CHST9: variants seen among roughly 807,000 people sequenced by gnomAD.
CHST9 encodes GalNAc-4-sulfotransferase 2.
In CHST9, 41 loss-of-function variants were observed where a neutral mutation model predicts 44.4. The observed-to-expected ratio is 0.92, with a 90% CI of 0.72 to 1.20. CHST9 has a LOEUF of 1.20. CHST9 is among the 50% of genes most tolerant of loss of function. The probability of loss-of-function intolerance (pLI) is 0.00; values close to 1 mark genes in which losing one functional copy is unlikely to be tolerated. For synonymous variants in CHST9, 171 were observed against 178.4 expected (o/e 0.96, Z 0.33); for missense variants, 504 against 516.5 (o/e 0.98, Z 0.23).
At chr18:26,983,059 C>T (rs562315194) in intron 4 of CHST9, among the ~76,000 whole-genome samples, 24 of 152,146 alleles carry the variant, frequency 1.6e-4, no homozygotes, top group South Asian at 4.2e-4. Context: ...AAATATTAGC[C>T]GGGCTAAGAA....
At chr18:27,129,694 G>A (rs2058455784) in intron 2 of CHST9, among the ~76,000 whole-genome samples, 1 of 151,998 alleles carries the variant, frequency 6.6e-6, no homozygotes, top group South Asian at 2.1e-4. Context: ...CATGACCCTT[G>A]GTTTATTCTT....
At chr18:27,122,150 C>A (rs1324163925) in intron 2 of CHST9, among the ~76,000 whole-genome samples, 1 of 152,090 alleles carries the variant, frequency 6.6e-6, no homozygotes, top group Non-Finnish European at 1.5e-5. Flanking sequence ...AACAAACGCA[C>A]CAGTGTATTT....
chr18:26,998,528 G>A (rs1339068848), intron 4 of CHST9, among the ~76,000 whole-genome samples: 1 of 151,930 alleles, frequency 6.6e-6, no homozygotes, highest in East Asian at 1.9e-4. Context: ...GAGTTCGAGA[G>A]CAGCCTGGCC....
chr18:26,941,017 T>A (rs1044463017), intron 5 of CHST9, among the ~76,000 whole-genome samples: 1 of 152,138 alleles, frequency 6.6e-6, no homozygotes, highest in Non-Finnish European at 1.5e-5. Context: ...CAAGGAAGGA[T>A]CCTTCCCTAC....
Position 26,913,772 on chromosome 18 carries a change from G to T in CHST9, c.*2487C>A, listed in dbSNP as rs1461075296. 6.6e-6 allele frequency: 1 copy of T among 152,222 alleles called. No individual in the cohort carries two copies. Among genetic ancestry groups the T allele is most frequent in the Non-Finnish European group, 1.5e-5 (1 of 68,048 alleles). 9.4% of individuals were successfully genotyped at this position (152,222 alleles called of 1,614,324 possible). On this transcript the variant is annotated 3_prime_UTR_variant, in exon 6 of 6. Transcript: ENST00000618847. ...TCCCACCTGGATTTATGCACAGGCA[G>T]AAATGACAAAGGTGAATGTGAGCTG... is the stretch of plus-strand genomic sequence containing the variant.
chr18:27,126,831 G>A (rs1042272326), intron 2 of CHST9, among the ~76,000 whole-genome samples: 11 of 152,124 alleles, frequency 7.2e-5, no homozygotes, highest in Non-Finnish European at 2.9e-5. Flanking sequence ...GCTGCTTTAG[G>A]GGCTGCTGCA....
intron 5 of CHST9, among the ~76,000 whole-genome samples, chr18:26,921,516 A>T (rs771222662): frequency 3.9e-4 from 59 of 152,264 alleles, no homozygotes; most frequent in Middle Eastern, 3.4e-3. Flanking sequence ...CATCCACCTT[A>T]TAAAAGCTGT....
At chr18:26,939,477 A>G (rs535362665) in intron 5 of CHST9, among the ~76,000 whole-genome samples, 1 of 152,370 alleles carries the variant, frequency 6.6e-6, no homozygotes, top group South Asian at 2.1e-4. Context: ...TTCCATCAGA[A>G]TCACATATTG....
intron 4 of CHST9, among the ~76,000 whole-genome samples, chr18:26,973,903 C>A (rs187471147): frequency 4.5e-4 from 69 of 152,300 alleles, no homozygotes; most frequent in African/African-American, 1.3e-3. Context: ...TTCAGACTCT[C>A]ATGCTGAGCT....
chr18:27,067,230 CT>C (rs138931040), intron 2 of CHST9, among the ~76,000 whole-genome samples: 62 of 148,902 alleles, frequency 4.2e-4, no homozygotes, highest in Admixed American at 3.0e-3. Flanking sequence ...CCATAACCGA[CT>C]TTTTTTTTTG....
intron 1 of CHST9, among the ~76,000 whole-genome samples, chr18:27,158,955 TG>T (rs550353068): frequency 2.8e-4 from 42 of 152,372 alleles, no homozygotes; most frequent in Non-Finnish European, 4.6e-4. Flanking sequence ...TTGATGGGGC[TG>T]TTTGTTTTTT....
chr18:27,132,037 G>A (rs998431963), intron 2 of CHST9, among the ~76,000 whole-genome samples: 6 of 152,102 alleles, frequency 3.9e-5, no homozygotes, highest in Middle Eastern at 3.4e-3. Flanking sequence ...AAACCAAACC[G>A]TCATCCAACT....
chr18:26,975,651 A>G (rs1391436991), intron 4 of CHST9, among the ~76,000 whole-genome samples: 15 of 141,920 alleles, frequency 1.1e-4, no homozygotes, highest in African/African-American at 2.8e-4. Context: ...GTATGTGTGT[A>G]TATATATATA....
At chr18:27,139,433 TAA>T (rs1486134586) in intron 2 of CHST9, among the ~76,000 whole-genome samples, 1 of 151,926 alleles carries the variant, frequency 6.6e-6, no homozygotes, top group Non-Finnish European at 1.5e-5. Context: ...TTTATTTATT[TAA>T]AAAGAGATTG....
At chr18:27,150,924 G>C (rs1598760188) in intron 1 of CHST9, among the ~76,000 whole-genome samples, 1 of 152,200 alleles carries the variant, frequency 6.6e-6, no homozygotes, top group East Asian at 1.9e-4. Context: ...TGATAGGCTT[G>C]GTAGGCACAT....
intron 1 of CHST9, among the ~76,000 whole-genome samples, chr18:27,161,739 G>T (rs1598769655): frequency 1.3e-5 from 2 of 152,202 alleles, no homozygotes; most frequent in African/African-American, 2.4e-5. Flanking sequence ...TTGTGTGGGA[G>T]TCCAAGTCTC....
chr18:27,142,586 A>T, intron 2 of CHST9, 103 bp downstream of exon 2: 1 of 838,530 alleles, frequency 1.2e-6, no homozygotes, highest in Non-Finnish European at 1.6e-6. Flanking sequence ...TTGTTGTTGA[A>T]AATATTGTGA....
intron 2 of CHST9, among the ~76,000 whole-genome samples, chr18:27,088,978 A>G (rs1261996037): frequency 1.3e-5 from 2 of 152,188 alleles, no homozygotes; most frequent in African/African-American, 4.8e-5. Flanking sequence ...TCACTGATCA[A>G]AAATAAAGTG....
chr18:27,125,822 T>C (rs571541381), intron 2 of CHST9, among the ~76,000 whole-genome samples: 8 of 152,310 alleles, frequency 5.3e-5, no homozygotes, highest in South Asian at 4.1e-4. Context: ...AAATCACAAG[T>C]ACTTTAGACA....
Sources: gnomAD v4.1 joint callset for allele counts (sites outside exome capture counted in the v4.1 genomes callset) on GRCh38, gnomAD v4.1.1 for gene constraint, MANE v1.5 for transcripts, NCBI Gene and HGNC (gene_info 2026-07-23, HGNC 2026-07-21) for gene names.